Variants in ARMCX4 observed in about 807,000 individuals in gnomAD.
ARMCX4 encodes armadillo repeat containing X-linked 4.
ARMCX4 carries 3 observed loss-of-function variants against 34.7 expected under a neutral mutation model. The observed-to-expected ratio is 0.09, with a 90% CI of 0.04 to 0.22. ARMCX4 has a LOEUF of 0.22. Among genes scored for constraint, ARMCX4 ranks in the 10% least tolerant of loss-of-function variants. The pLI is 1.00. For synonymous variants in ARMCX4, 513 were observed against 632.8 expected, an observed-to-expected ratio of 0.81 and a Z score of 2.84; for missense variants, 1,448 against 1,720.8, an observed-to-expected ratio of 0.84 and a Z score of 2.81.
chrX:101,488,343 A>T, intron 5 of ARMCX4, 101 bp from the exon 6 acceptor site: 3 of 778,948 alleles, frequency 3.9e-6, no homozygotes, highest in Non-Finnish European at 5.3e-6. Context: ...TCTTCCACCA[A>T]GCACATGGTT....
intron 7 of ARMCX4, among the ~76,000 whole-genome samples, chrX:101,501,939 T>A (rs1934308841): frequency 8.9e-6 from 1 of 112,418 alleles, no homozygotes; most frequent in Non-Finnish European, 1.9e-5. Context: ...ATTAGAGGTA[T>A]CTGTGTTGGA....
chrX:101,425,281 A>G (rs1196429367), intron 2 of ARMCX4, among the ~76,000 whole-genome samples: 1 of 112,006 alleles, frequency 8.9e-6, no homozygotes, highest in Non-Finnish European at 1.9e-5. Flanking sequence ...TATGTGTTGC[A>G]TTTAAGAATA....
intron 4 of ARMCX4, among the ~76,000 whole-genome samples, chrX:101,464,452 G>A (rs891962603): frequency 3.6e-5 from 4 of 111,474 alleles, no homozygotes; most frequent in African/African-American, 9.8e-5. Flanking sequence ...GAGAGAATGG[G>A]AATGAACACC....
chrX:101,460,112 ATTTATTCTTT>A (rs1556001021), intron 4 of ARMCX4, among the ~76,000 whole-genome samples: 1 of 112,788 alleles, frequency 8.9e-6, no homozygotes, highest in South Asian at 3.6e-4. Flanking sequence ...ACAAAACAGC[ATTTATTCTTT>A]ACAAGGTACA....
In ARMCX4 at chrX:101,491,069, C is replaced by G; in HGVS notation, c.2480C>G (p.Ser827Cys). 1 of 1,155,111 alleles carries G rather than the reference C, an allele frequency of 8.7e-7. No individual in the cohort carries two copies. The stretch of plus-strand genomic sequence containing the variant: ...GGGGCTGGGATGGATACAAGGGGCT[C>G]TGCCCAGCCCCAGGCTGTGGCCAAT... The part of the protein sequence containing the change: ...KAGAGMDTRG[S>C]AQPQAVANSQ... The change falls in exon 6 of 6, where the codon TCT becomes TGT. Residue 827 changes from serine (S) to cysteine (C), a missense_variant. This residue lies in a region of ARMCX4 where 1,343 missense variants were observed against 1,540.7 expected (regional missense o/e 0.87). Transcript: ENST00000423738.
upstream of ARMCX4, among the ~76,000 whole-genome samples, chrX:101,482,560 T>C (rs781827740): frequency 6.1e-4 from 41 of 67,295 alleles, no homozygotes; most frequent in African/African-American, 2.3e-3. Flanking sequence ...TAAGCCCAGC[T>C]ATTTTTTTTT....
At chrX:101,469,832 G>T (rs141557878) in intron 4 of ARMCX4, among the ~76,000 whole-genome samples, 32 of 111,353 alleles carry the variant, frequency 2.9e-4, no homozygotes, top group Admixed American at 5.7e-4. Context: ...CATAAGACAT[G>T]CCCACCCACC....
chrX:101,466,635 T>G (rs1168374972), intron 4 of ARMCX4, among the ~76,000 whole-genome samples: 1 of 112,459 alleles, frequency 8.9e-6, no homozygotes, highest in Non-Finnish European at 1.9e-5. Context: ...AAGTCTTGTT[T>G]CATTTATATG....
chrX:101,437,612 A>AT (rs782183001), intron 2 of ARMCX4, among the ~76,000 whole-genome samples: 2 of 110,610 alleles, frequency 1.8e-5, no homozygotes, highest in Non-Finnish European at 3.8e-5. Flanking sequence ...GGATTCATTG[A>AT]TTTTTTTGAA....
chrX:101,448,391 T>C (rs1931771148), downstream of ARMCX4, among the ~76,000 whole-genome samples: 1 of 112,084 alleles, frequency 8.9e-6, no homozygotes, highest in African/African-American at 3.2e-5. Flanking sequence ...ATAGTAGCTC[T>C]GTTTTTACTT....
chrX:101,522,738 T>A (rs1934879425), intron 11 of ARMCX4, among the ~76,000 whole-genome samples: 1 of 112,107 alleles, frequency 8.9e-6, no homozygotes, highest in Non-Finnish European at 1.9e-5. Context: ...TCAACTTAAT[T>A]TCAAATCTTT....
In ARMCX4 at chrX:101,491,769, T is replaced by C; in HGVS notation, c.3180T>C (p.Asp1060=). The part of the protein sequence containing the change: ...STSEAEATAE[D]EAYAKPEAEA... ...CTGAGGCAGAAGCCACAGCAGAAGA[T>C]GAGGCCTATGCAAAGCCTGAGGCTG... is the stretch of plus-strand genomic sequence containing the variant. The change falls in exon 6 of 6, where the codon GAT becomes GAC. Residue 1060 remains aspartate, a synonymous_variant. Transcript: ENST00000423738. 1 of 1,156,330 alleles carries C rather than the reference T, an allele frequency of 8.6e-7. No individual in the cohort carries two copies. The highest frequency in any genetic ancestry group is 1.1e-6 in the Non-Finnish European group (1 of 872,850).
intron 2 of ARMCX4, among the ~76,000 whole-genome samples, chrX:101,433,339 C>T (rs969563035): frequency 3.0e-5 from 3 of 101,015 alleles, no homozygotes; most frequent in Admixed American, 1.0e-4. Context: ...AACATATGTA[C>T]ATATATGTAC....
At chrX:101,466,660 G>A (rs192132680) in intron 4 of ARMCX4, among the ~76,000 whole-genome samples, 1,994 of 111,996 alleles carry the variant, frequency 0.018, 49 homozygotes, top group African/African-American at 0.061. Context: ...TCCGAGAAAA[G>A]CAAAAGTTAT....
chrX:101,488,268 T>C (rs1933836422), intron 5 of ARMCX4, among the ~76,000 whole-genome samples, 169 bp downstream of exon 5: 1 of 112,012 alleles, frequency 8.9e-6, no homozygotes, highest in Non-Finnish European at 1.9e-5. Flanking sequence ...AAGAAAATTA[T>C]TGGGCATTGG....
chrX:101,466,027 T>C (rs1556001930), intron 4 of ARMCX4, among the ~76,000 whole-genome samples: 1 of 111,985 alleles, frequency 8.9e-6, no homozygotes, highest in Non-Finnish European at 1.9e-5. Context: ...AAATAAAGAC[T>C]ACTGCCCTTT....
Position 101,432,935 on chromosome X carries a change from CGTGTATATATACACACATGTATACATAT to C in ARMCX4, n.165-11108_165-11081del, listed in dbSNP as rs1569314776. ...ACACGTATACATACGTATATATATA[CGTGTATATATACACACATGTATACATAT>C]GTGTATATGTGTATATATACACACA... On this transcript the variant is annotated intron_variant and non_coding_transcript_variant, in intron 2 of 3. Transcript: ENST00000430461. Among the ~76,000 whole-genome samples the C allele has an allele frequency of 2.5e-4, 22 of 88,781 alleles. No homozygotes were observed. In the East Asian group the frequency reaches 6.7e-3, roughly 27 times the overall value. The allele number at this position is 88,781 out of a possible 115,157, so 77.1% of individuals were successfully genotyped here.
chrX:101,458,518 T>C (rs73563047), intron 4 of ARMCX4, among the ~76,000 whole-genome samples: 8,268 of 94,687 alleles, frequency 0.087, 865 homozygotes, highest in African/African-American at 0.29. Flanking sequence ...ATCCCCCCCC[T>C]TTTTTTTTTT....
intron 11 of ARMCX4, among the ~76,000 whole-genome samples, chrX:101,527,889 T>A (rs1407505786): frequency 9.8e-5 from 11 of 111,793 alleles, no homozygotes; most frequent in Admixed American, 7.6e-4. Context: ...CACAGCCGAA[T>A]TCTACCAGAG....
Sources: gnomAD v4.1 joint callset for allele counts (sites outside exome capture counted in the v4.1 genomes callset) on GRCh38, gnomAD v4.1.1 for gene constraint, gnomAD v4.1.1 regional missense constraint, MANE v1.5 for transcripts, NCBI Gene and HGNC (gene_info 2026-07-23, HGNC 2026-07-21) for gene names.